Variants in AGO1 observed in about 807,000 individuals in gnomAD.
AGO1 encodes the protein protein argonaute-1.
Under a neutral mutation model 109.2 loss-of-function variants are expected in AGO1, and 11 were observed. The ratio of observed to expected loss-of-function variants is 0.10; its 90% CI spans 0.06 to 0.17. The LOEUF (loss-of-function observed/expected upper bound fraction) is 0.17. Ranked by LOEUF, AGO1 falls within the 10% of genes least tolerant of loss-of-function variation. The pLI is 1.00. For synonymous variants in AGO1, 422 were observed against 418.6 expected (o/e 1.01, Z -0.10); for missense variants, 574 against 1,140.3 (o/e 0.50, Z 7.15).
chr1:35,919,032 C>T lies in AGO1; in HGVS notation c.2266-23C>T, dbSNP rs1462623665. 6.2e-7 allele frequency: 1 copy of T among 1,611,272 alleles called. No homozygotes were observed. The highest frequency in any genetic ancestry group is 8.5e-7 in the Non-Finnish European group (1 of 1,177,606). ...CCATCTTCTCTGCCCAGCCTGGGAC[C>T]CCTCACCTTCCTATCTTCCCAGGGC... On this transcript the variant is annotated intron_variant, in intron 17 of 18. Coordinates refer to ENST00000373204, the MANE Select transcript of AGO1 (RefSeq NM_012199.5). The surrounding 1 kb of genome is among the most constrained non-coding windows in gnomAD (Gnocchi z 6.6).
Position 35,895,127 on chromosome 1 carries a change from C to T in AGO1, c.878C>T (p.Pro293Leu), listed in dbSNP as rs1295256848. 1.2e-6 allele frequency: 2 copies of T among 1,609,792 alleles called. No individual in the cohort carries two copies. Among genetic ancestry groups the T allele is most frequent in the East Asian group, 2.3e-5 (1 of 44,326 alleles). Residue 293 changes from proline to leucine, a missense_variant, in exon 8 of 19, where the codon CCC becomes CTC. Pro to Leu is a moderately conservative substitution (Grantham distance 98). This residue lies in a region of AGO1 where 42 missense variants were observed against 142.4 expected (regional missense o/e 0.29). Coordinates refer to ENST00000373204, the MANE Select transcript of AGO1 (RefSeq NM_012199.5). ...CCTTCCCTTCTTCTGAACAGATTCC[C>T]CTTACAGCTGGAGAGTGGACAGACT... ...TRRPASHQTF[P>L]LQLESGQTVE...
rs1018716062 is a variant in AGO1, at chr1:35,930,261, C to T, written c.*10654C>T. 2.0e-5 allele frequency: 3 copies of T among 152,118 alleles called. No individual in the cohort carries two copies. Among genetic ancestry groups the T allele is most frequent in the Non-Finnish European group, 4.4e-5 (3 of 68,040 alleles). The allele number at this position is 152,118 out of a possible 1,614,324, so 9.4% of individuals were successfully genotyped here. On this transcript the variant is annotated 3_prime_UTR_variant, in exon 19 of 19. Transcript: ENST00000373204. ...GATGGGTGGTCCGGAAAAGGCGTCT[C>T]AGATGTCTTTCGTTGAGACGCAAAA...
intron 12 of AGO1, among the ~76,000 whole-genome samples, chr1:35,910,996 A>C (rs1019354385): frequency 5.9e-5 from 9 of 152,068 alleles, no homozygotes; most frequent in Non-Finnish European, 8.8e-5. Flanking sequence ...AACCCAGGAG[A>C]TGGAGGTTGC....
rs368889882 is a variant in AGO1, at chr1:35,893,993, G to T, written c.650-44G>T. The T allele has an allele frequency of 2.9e-5, 44 of 1,523,960 alleles. No homozygotes were observed. The highest frequency in any genetic ancestry group is 3.3e-5 in the Non-Finnish European group (38 of 1,135,208). 94.4% of individuals were successfully genotyped at this position (1,523,960 alleles called of 1,614,324 possible). A position where few individuals can be genotyped will look rare whatever the true frequency, so the allele number is the denominator to read the frequency against. On this transcript the variant is annotated intron_variant, in intron 5 of 18. Coordinates refer to ENST00000373204, the MANE Select transcript of AGO1 (RefSeq NM_012199.5). This position sits in a 1 kb window ranked among gnomAD's most constrained non-coding sequence, Gnocchi z 5.6. The stretch of plus-strand genomic sequence containing the variant: ...AATTGCTGTGCCTCCATGTATTGTG[G>T]AAGACAGAACCTGAGCTGAGCTATC...
At chr1:35,903,371 T>C (rs1645456538) in intron 11 of AGO1, among the ~76,000 whole-genome samples, 1 of 151,930 alleles carries the variant, frequency 6.6e-6, no homozygotes, top group South Asian at 2.1e-4. Flanking sequence ...AGTTGTTTCA[T>C]AGATACAACA....
rs1645984513 is a variant in AGO1, at chr1:35,929,041, C to T, written c.*9434C>T. 1 of 152,258 alleles carries T rather than the reference C, an allele frequency of 6.6e-6. No individual in the cohort carries two copies. The allele number at this position is 152,258 out of a possible 1,614,324, so 9.4% of individuals were successfully genotyped here. On this transcript the variant is annotated 3_prime_UTR_variant, in exon 19 of 19. Transcript: ENST00000373204. ...AATCCAACAAATATACTGAATGCTGCTATGTGCCAGGTACTGGCACTGTTC... is the reference window on the plus strand; with the variant it reads ...AATCCAACAAATATACTGAATGCTGTTATGTGCCAGGTACTGGCACTGTTC...
At chr1:35,914,087 A>G in intron 13 of AGO1, 86 bp downstream of exon 13, 1 of 1,597,880 alleles carries the variant, frequency 6.3e-7, no homozygotes, top group Non-Finnish European at 8.6e-7. Context: ...GGCAGACTGA[A>G]TCAGACATAA....
chr1:35,898,918 A>G (rs753187841), intron 8 of AGO1, among the ~76,000 whole-genome samples: 1 of 152,188 alleles, frequency 6.6e-6, no homozygotes, highest in Admixed American at 6.5e-5. Context: ...AAAATTTACC[A>G]TTTTAACCAT....
intron 2 of AGO1, among the ~76,000 whole-genome samples, chr1:35,889,220 CTT>C (rs938481612): frequency 6.0e-5 from 5 of 83,784 alleles, no homozygotes; most frequent in South Asian, 3.8e-4. Flanking sequence ...GAGTTTTTCT[CTT>C]GTTTTGTTTT....
At chr1:35,883,169 G>C (rs2148705828), upstream of AGO1, 6 of 1,146,216 alleles carry the variant, frequency 5.2e-6, no homozygotes, top group East Asian at 4.5e-5. The surrounding 1 kb of genome is among the most constrained non-coding windows in gnomAD (Gnocchi z 5.4). Flanking sequence ...CGCTTGACTC[G>C]TTCCGGTCCG....
intron 8 of AGO1, among the ~76,000 whole-genome samples, chr1:35,897,749 C>T (rs763392363): frequency 3.9e-5 from 6 of 152,072 alleles, no homozygotes; most frequent in Admixed American, 6.6e-5. Context: ...AAAAAAACAG[C>T]TTTATCGAGA....
At chr1:35,885,358 T>A (rs1043010106) in intron 1 of AGO1, among the ~76,000 whole-genome samples, 29 of 152,174 alleles carry the variant, frequency 1.9e-4, no homozygotes, top group African/African-American at 7.0e-4. Context: ...ATTGACTTTT[T>A]AAAAATTTGT....
chr1:35,883,776 G>A lies in AGO1; in HGVS notation c.25+330G>A, dbSNP rs559492179. The stretch of plus-strand genomic sequence containing the variant: ...GCAGGTGGCAGGGGACGGGCTCCAG[G>A]TGTCCAGGAGAGGAGGGGGCGACAC... On this transcript the variant is annotated intron_variant, in intron 1 of 18. Coordinates refer to ENST00000373204, the MANE Select transcript of AGO1 (RefSeq NM_012199.5). This position sits in a 1 kb window ranked among gnomAD's most constrained non-coding sequence, Gnocchi z 5.4. Among the ~76,000 whole-genome samples the A allele has an allele frequency of 2.0e-5, 3 of 152,332 alleles. No homozygotes were observed. The highest frequency in any genetic ancestry group is 1.3e-4 in the Admixed American group (2 of 15,308).
At position 35,929,254 on chromosome 1, in the gene AGO1, A is replaced by C. The variant is rs1191519402; in HGVS notation, c.*9647A>C. On this transcript the variant is annotated 3_prime_UTR_variant, in exon 19 of 19. Transcript: ENST00000373204. ...TGTCTTCCTACTTCTTGATATTACA[A>C]ATCATGAGCCTTTCACATGCATTGA... is the stretch of plus-strand genomic sequence containing the variant. 1 of 152,246 alleles carries C rather than the reference A, an allele frequency of 6.6e-6. No homozygotes were observed. The highest frequency in any genetic ancestry group is 1.5e-5 in the Non-Finnish European group (1 of 68,040). 9.4% of individuals were successfully genotyped at this position (152,246 alleles called of 1,614,324 possible). A position where few individuals can be genotyped will look rare whatever the true frequency, so the allele number is the denominator to read the frequency against.
chr1:35,925,652 G>C lies in AGO1; in HGVS notation c.*6045G>C, dbSNP rs185191307. ...GTGGGCAGTGGATCAAGAAGTGATA[G>C]GAGTACACAGGATGAACTCAGAATT... On this transcript the variant is annotated 3_prime_UTR_variant, in exon 19 of 19. Transcript: ENST00000373204. 6.6e-6 allele frequency: 1 copy of C among 152,006 alleles called. No individual in the cohort carries two copies. The highest frequency in any genetic ancestry group is 2.4e-5 in the African/African-American group (1 of 41,440). The allele number at this position is 152,006 out of a possible 1,614,324, so 9.4% of individuals were successfully genotyped here. A position where few individuals can be genotyped will look rare whatever the true frequency, so the allele number is the denominator to read the frequency against.
At chr1:35,913,726 C>T (rs1278291768) in intron 12 of AGO1, 116 bp from the exon 13 acceptor site, 37 of 1,066,540 alleles carry the variant, frequency 3.5e-5, no homozygotes, top group Non-Finnish European at 4.5e-5. Flanking sequence ...GAGTAAGGAC[C>T]TTATGTGTTT....
Position 35,901,351 on chromosome 1 carries a change from C to T in AGO1, c.1021-123C>T, listed in dbSNP as rs1034412535. On this transcript the variant is annotated intron_variant, in intron 8 of 18. Transcript: ENST00000373204. This position sits in a 1 kb window ranked among gnomAD's most constrained non-coding sequence, Gnocchi z 4.8. ...CTCAGGAGGAGAATACATGTATGCA[C>T]AACGGATTTTGCAGTTCCCTTCCCC... 8.2e-7 allele frequency: 1 copy of T among 1,224,342 alleles called. No homozygotes were observed. The highest frequency in any genetic ancestry group is 1.4e-5 in the South Asian group (1 of 73,288). The allele number at this position is 1,224,342 out of a possible 1,614,324, so 75.8% of individuals were successfully genotyped here.
chr1:35,915,116 A>G (rs1047362681), intron 14 of AGO1, among the ~76,000 whole-genome samples: 1 of 152,162 alleles, frequency 6.6e-6, no homozygotes, highest in Admixed American at 6.5e-5. Context: ...TATGGACCCC[A>G]GTAGCGCTGC....
intron 12 of AGO1, among the ~76,000 whole-genome samples, chr1:35,909,618 C>A (rs527306675): frequency 7.2e-5 from 11 of 152,284 alleles, no homozygotes; most frequent in African/African-American, 2.4e-4. Context: ...GACATTTCAC[C>A]TGGAGAGTGA....
Sources: gnomAD v4.1 joint callset for allele counts (sites outside exome capture counted in the v4.1 genomes callset) on GRCh38, gnomAD v4.1.1 for gene constraint, gnomAD v4.1.1 regional missense constraint, Gnocchi (gnomAD v3.1) non-coding constraint, MANE v1.5 for transcripts, NCBI Gene and HGNC (gene_info 2026-07-23, HGNC 2026-07-21) for gene names.